Variants in NKIRAS2 observed in about 807,000 individuals in gnomAD.
The protein encoded by NKIRAS2 is NFKB inhibitor interacting Ras like 2, also known as NF-kappa-B inhibitor-interacting Ras-like protein 2.
Under a neutral mutation model 20.7 loss-of-function variants are expected in NKIRAS2, and 15 were observed. That is an observed-to-expected ratio of 0.73 (90% CI 0.49 to 1.12). The LOEUF is 1.12. NKIRAS2 is among the 50% of genes most tolerant of loss of function. The probability of loss-of-function intolerance (pLI) is 0.00; values close to 1 mark genes in which losing one functional copy is unlikely to be tolerated. For missense variants in NKIRAS2, 196 were observed against 249.6 expected (o/e 0.79, Z 1.45); for synonymous variants, 116 against 101.4 (o/e 1.14, Z -0.87).
chr17:42,022,736 C>A, intron 3 of NKIRAS2, 96 bp downstream of exon 3: 2 of 1,454,692 alleles, frequency 1.4e-6, no homozygotes, highest in Non-Finnish European at 9.3e-7. Context: ...TTCTTCACTC[C>A]AAGGTGAGTT....
intron 2 of NKIRAS2, chr17:42,022,109 C>T (rs1477132177): frequency 2.3e-5 from 10 of 439,276 alleles, no homozygotes; most frequent in African/African-American, 1.4e-4. Flanking sequence ...TTCGGGAGGC[C>T]GAGGCAGGAG....
At chr17:42,017,932 G>A (rs1555652279), upstream of NKIRAS2, among the ~76,000 whole-genome samples, 1 of 152,132 alleles carries the variant, frequency 6.6e-6, no homozygotes, top group African/African-American at 2.4e-5. Flanking sequence ...TTCTCTGGAA[G>A]CCCTGCCCAG....
chr17:42,021,685 G>C lies in NKIRAS2; in HGVS notation c.94+14G>C, dbSNP rs1555653065. 6.2e-7 allele frequency: 1 copy of C among 1,608,156 alleles called. No individual in the cohort carries two copies. Among genetic ancestry groups the C allele is most frequent in the Non-Finnish European group, 8.5e-7 (1 of 1,174,606 alleles). ...ACCATGTAGTGGGTGAGTGTTGTTG[G>C]AGGGGGAGGAACAGTGGAAGAAGTT... On this transcript the variant is annotated intron_variant, in intron 2 of 3. Transcript: ENST00000393885.
intron 3 of NKIRAS2, 26 bp downstream of exon 3, chr17:42,022,666 A>G: frequency 1.3e-6 from 2 of 1,592,222 alleles, no homozygotes; most frequent in Non-Finnish European, 1.7e-6. Context: ...TTCTGGTGGG[A>G]GCCTCAGTGG....
chr17:42,017,636 C>T, upstream of NKIRAS2: 1 of 594,704 alleles, frequency 1.7e-6, no homozygotes, highest in Non-Finnish European at 2.9e-6. Flanking sequence ...GGTGCGTAGG[C>T]GGCGCCACTT....
At chr17:42,021,493 TCTG>T in intron 1 of NKIRAS2, 68 bp from the exon 2 acceptor site, 2 of 1,308,298 alleles carry the variant, frequency 1.5e-6, no homozygotes, top group East Asian at 4.6e-5. Context: ...CCAGAAAACA[TCTG>T]CTAGTAACTG....
intron 1 of NKIRAS2, chr17:42,021,338 A>AT: frequency 2.0e-6 from 1 of 497,808 alleles, no homozygotes; most frequent in Non-Finnish European, 3.7e-6. Flanking sequence ...AGTAGTAGAC[A>AT]TGGAGACATC....
At chr17:42,021,695 A>C (rs1555653072) in intron 2 of NKIRAS2, 24 bp downstream of exon 2, 1 of 1,595,282 alleles carries the variant, frequency 6.3e-7, no homozygotes, top group East Asian at 2.2e-5. Context: ...GAGGGGGAGG[A>C]ACAGTGGAAG....
chr17:42,021,512 T>G (rs555975412), intron 1 of NKIRAS2, 52 bp from the exon 2 acceptor site: 2 of 1,476,928 alleles, frequency 1.4e-6, no homozygotes, highest in Admixed American at 3.4e-5. Context: ...AACTGCCTTC[T>G]GTGTTGATGC....
chr17:42,023,325 C>G (rs1418038670), intron 3 of NKIRAS2, among the ~76,000 whole-genome samples: 1 of 152,254 alleles, frequency 6.6e-6, no homozygotes, highest in Non-Finnish European at 1.5e-5. Context: ...TCTCCAGAAT[C>G]CCACAGTAAG....
At position 42,021,958 on chromosome 17, in the gene NKIRAS2, C is replaced by T. The variant is rs551377584; in HGVS notation, c.94+287C>T. On this transcript the variant is annotated intron_variant, in intron 2 of 3. Transcript: ENST00000393885. Reference sequence around the variant, plus strand: ...GGTGCGGTGGATCACGCCTGTAATCCGAGCACTTTGGGAGGCTGAGGCGGG... The same window carrying T: ...GGTGCGGTGGATCACGCCTGTAATCTGAGCACTTTGGGAGGCTGAGGCGGG... The T allele has an allele frequency of 2.0e-5, 12 of 607,942 alleles. No homozygotes were observed. In the Middle Eastern group the frequency reaches 1.3e-3, roughly 64 times the overall value. 37.7% of individuals were successfully genotyped at this position (607,942 alleles called of 1,614,324 possible).
chr17:42,022,725 A>G, intron 3 of NKIRAS2, 85 bp downstream of exon 3: 2 of 1,498,480 alleles, frequency 1.3e-6, no homozygotes, highest in East Asian at 2.3e-5. Context: ...GCATGGCTCC[A>G]TTCTTCACTC....
At position 42,022,394 on chromosome 17, in the gene NKIRAS2, A is replaced by G. The variant is rs1555653234; in HGVS notation, c.95-5A>G. On this transcript the variant is annotated splice_region_variant and splice_polypyrimidine_tract_variant and intron_variant, in intron 2 of 3. Transcript: ENST00000393885. ...ACTTCAGACAGTTTTCTCATTTTAT[A>G]CCAGGTTCGGAGATGATCGAGACGC... 6.4e-7 allele frequency: 1 copy of G among 1,566,720 alleles called. No individual in the cohort carries two copies. Among genetic ancestry groups the G allele is most frequent in the Non-Finnish European group, 8.7e-7 (1 of 1,151,496 alleles).
chr17:42,022,298 C>T, intron 2 of NKIRAS2, 101 bp from the exon 3 acceptor site: 1 of 1,292,816 alleles, frequency 7.7e-7, no homozygotes, highest in Non-Finnish European at 1.1e-6. Context: ...CCTCAGCCCC[C>T]TACATTCCTT....
At chr17:42,017,995 G>A (rs1448005305), upstream of NKIRAS2, among the ~76,000 whole-genome samples, 1 of 152,108 alleles carries the variant, frequency 6.6e-6, no homozygotes, top group African/African-American at 2.4e-5. Flanking sequence ...ATCCACTCCG[G>A]ATCTCCAAAC....
chr17:42,019,239 CT>C (rs1404066806), upstream of NKIRAS2, among the ~76,000 whole-genome samples: 1 of 152,110 alleles, frequency 6.6e-6, no homozygotes, highest in Non-Finnish European at 1.5e-5. Context: ...CACCAATGTA[CT>C]CCAGCATGGA....
intron 2 of NKIRAS2, chr17:42,022,150 G>A (rs890342066): frequency 4.1e-6 from 2 of 485,132 alleles, no homozygotes; most frequent in Admixed American, 6.6e-5. Flanking sequence ...TGGAGGTTGC[G>A]GTGAGCCGAG....
At chr17:42,019,486 ATC>A (rs756640184), upstream of NKIRAS2, among the ~76,000 whole-genome samples, 2 of 152,042 alleles carry the variant, frequency 1.3e-5, no homozygotes, top group African/African-American at 2.4e-5. Flanking sequence ...GCCTTTGATT[ATC>A]TGTTTCTTTT....
At chr17:42,021,959 G>A (rs141584411) in intron 2 of NKIRAS2, 318 of 606,104 alleles carry the variant, frequency 5.2e-4, no homozygotes, top group Middle Eastern at 2.3e-3. Flanking sequence ...CCTGTAATCC[G>A]AGCACTTTGG....
Sources: allele counts gnomAD v4.1 joint callset (sites outside exome capture counted in the v4.1 genomes callset), GRCh38; gene constraint gnomAD v4.1.1; transcripts MANE v1.5; gene names NCBI Gene and HGNC (gene_info 2026-07-23, HGNC 2026-07-21).